PIEZO2: variants seen among roughly 807,000 people sequenced by gnomAD.
The protein encoded by PIEZO2 is piezo type mechanosensitive ion channel component 2.
Under a neutral mutation model 337.3 loss-of-function variants are expected in PIEZO2, and 172 were observed. That is an observed-to-expected ratio of 0.51 (90% CI 0.45 to 0.58). The LOEUF is 0.58. PIEZO2 is among the 20% of genes least tolerant of loss of function. The pLI is 0.00. For synonymous variants in PIEZO2, 1,251 were observed against 1,228.5 expected (o/e 1.02, Z -0.38); for missense variants, 3,028 against 3,391.3 (o/e 0.89, Z 2.66).
chr18:10,880,600 A>G (rs1363624217), intron 4 of PIEZO2, among the ~76,000 whole-genome samples: 1 of 152,054 alleles, frequency 6.6e-6, no homozygotes, highest in Non-Finnish European at 1.5e-5. Context: ...CTGAATTACA[A>G]CAACATGACT....
At chr18:10,890,484 C>T (rs2042723783) in intron 4 of PIEZO2, 1 of 152,230 alleles carries the variant, frequency 6.6e-6, no homozygotes, top group Admixed American at 6.5e-5. Flanking sequence ...ACTTACAGTT[C>T]AGCATGGCTG....
intron 31 of PIEZO2, 112 bp from the exon 32 acceptor site, chr18:10,742,727 T>C: frequency 8.8e-7 from 1 of 1,138,304 alleles, no homozygotes; most frequent in Non-Finnish European, 1.2e-6. Context: ...GACAAACTAC[T>C]TTGGAATACT....
chr18:10,820,883 G>T (rs1450401436), intron 7 of PIEZO2, among the ~76,000 whole-genome samples: 1 of 152,144 alleles, frequency 6.6e-6, no homozygotes, highest in African/African-American at 2.4e-5. Flanking sequence ...TAGAGTAGAA[G>T]AATTCTTCAC....
chr18:11,121,607 A>T lies in PIEZO2; in HGVS notation c.64+26918T>A, dbSNP rs1233374414. Among the ~76,000 whole-genome samples, 21 of 152,182 alleles carry T rather than the reference A, an allele frequency of 1.4e-4. 1 individual carries two copies. The highest frequency in any genetic ancestry group is 1.3e-3 in the Admixed American group (20 of 15,278). On this transcript the variant is annotated intron_variant, in intron 1 of 55. Coordinates refer to ENST00000674853, the MANE Select transcript of PIEZO2 (RefSeq NM_001378183.1). ...TGATGGAGCATGAGTTCATTCTCAC[A>T]TATCTGAGGAATTCGGCTTGCCCAG... is the stretch of plus-strand genomic sequence containing the variant.
At chr18:11,089,675 A>C (rs946378202) in intron 1 of PIEZO2, among the ~76,000 whole-genome samples, 1 of 152,190 alleles carries the variant, frequency 6.6e-6, no homozygotes, top group South Asian at 2.1e-4. Context: ...AGCTGGTAGC[A>C]CAAGATGTTG....
At chr18:10,905,993 A>G (rs578015039) in intron 4 of PIEZO2, among the ~76,000 whole-genome samples, 76 of 152,158 alleles carry the variant, frequency 5.0e-4, no homozygotes, top group Non-Finnish European at 1.0e-4. Flanking sequence ...GAGCAATAAT[A>G]TCTAAAACTT....
rs181490855 is a variant in PIEZO2, at chr18:11,024,000, G to A, written c.160+42127C>T. Among the ~76,000 whole-genome samples the A allele has an allele frequency of 6.2e-4, 94 of 152,282 alleles. No individual in the cohort carries two copies. In the East Asian group the frequency reaches 0.016, roughly 27 times the overall value. On this transcript the variant is annotated intron_variant, in intron 2 of 55. Transcript: ENST00000674853. ...TCCAGCTGGCCCGCAAGCCCCACGC[G>A]CAGCCCCAGTTCCCGCCTGCGCCTC...
At chr18:10,789,806 A>C (rs1322827182) in intron 14 of PIEZO2, among the ~76,000 whole-genome samples, 3 of 152,238 alleles carry the variant, frequency 2.0e-5, no homozygotes, top group Non-Finnish European at 4.4e-5. Context: ...CTTTTAAATA[A>C]CTAAAAATTT....
At chr18:10,825,890 T>C (rs1030466457) in intron 7 of PIEZO2, among the ~76,000 whole-genome samples, 3 of 152,172 alleles carry the variant, frequency 2.0e-5, no homozygotes, top group Non-Finnish European at 4.4e-5. Flanking sequence ...GAAGTCACAA[T>C]GCACAGCCCA....
In PIEZO2 at chr18:10,794,455, C is replaced by G. The variant is rs1254442014; in HGVS notation, c.1758+317G>C. On this transcript the variant is annotated intron_variant, in intron 13 of 55. Coordinates refer to ENST00000674853, the MANE Select transcript of PIEZO2 (RefSeq NM_001378183.1). This position sits in a 1 kb window ranked among gnomAD's most constrained non-coding sequence, Gnocchi z 6.6. ...TCCTATAATCCCTTAACACATTTTG[C>G]ACTGTATTTTCCTATTTTCACACCT... 6.6e-6 allele frequency among the ~76,000 whole-genome samples: 1 copy of G among 152,126 alleles called. No individual in the cohort carries two copies. The highest frequency in any genetic ancestry group is 1.5e-5 in the Non-Finnish European group (1 of 68,002).
intron 7 of PIEZO2, among the ~76,000 whole-genome samples, chr18:10,827,033 T>C (rs986886048): frequency 2.0e-5 from 3 of 152,178 alleles, no homozygotes; most frequent in South Asian, 2.1e-4. Context: ...CTCTGACCTA[T>C]GTTTATGTTC....
At chr18:10,934,491 GA>G (rs1467523467) in intron 3 of PIEZO2, among the ~76,000 whole-genome samples, 1 of 152,158 alleles carries the variant, frequency 6.6e-6, no homozygotes, top group African/African-American at 2.4e-5. Context: ...AAGTCAGGTA[GA>G]AAACCCATTT....
intron 7 of PIEZO2, among the ~76,000 whole-genome samples, chr18:10,817,733 CT>C (rs2040404473): frequency 6.6e-6 from 1 of 151,930 alleles, no homozygotes; most frequent in Non-Finnish European, 1.5e-5. Context: ...ACCATCCTGG[CT>C]AACACAGTGA....
chr18:11,082,309 AT>A (rs2038771020), intron 1 of PIEZO2, among the ~76,000 whole-genome samples: 1 of 145,800 alleles, frequency 6.9e-6, no homozygotes, highest in Middle Eastern at 3.6e-3. Flanking sequence ...ATAGATACAT[AT>A]TTTTTTCTTT....
At chr18:10,737,369 C>A (rs1341776722) in intron 33 of PIEZO2, among the ~76,000 whole-genome samples, 1 of 151,448 alleles carries the variant, frequency 6.6e-6, no homozygotes, top group Non-Finnish European at 1.5e-5. Context: ...AACACAACAA[C>A]AACAATGACA....
At chr18:11,040,154 G>T (rs2037067155) in intron 2 of PIEZO2, among the ~76,000 whole-genome samples, 1 of 150,056 alleles carries the variant, frequency 6.7e-6, no homozygotes, top group Admixed American at 6.6e-5. Flanking sequence ...ACCAAAATCA[G>T]AATTTTCAGT....
chr18:10,764,754 G>C (rs2038282556), intron 21 of PIEZO2, among the ~76,000 whole-genome samples: 1 of 152,148 alleles, frequency 6.6e-6, no homozygotes, highest in Non-Finnish European at 1.5e-5. Flanking sequence ...ATTAAAGTAG[G>C]AAGAGATGCC....
chr18:10,869,507 T>C (rs915352001), intron 5 of PIEZO2, among the ~76,000 whole-genome samples: 3 of 152,150 alleles, frequency 2.0e-5, no homozygotes, highest in African/African-American at 4.8e-5. Flanking sequence ...TTATAAATCA[T>C]AAAAATAACA....
At chr18:10,816,339 T>C (rs983339616) in intron 7 of PIEZO2, among the ~76,000 whole-genome samples, 1 of 152,212 alleles carries the variant, frequency 6.6e-6, no homozygotes, top group Non-Finnish European at 1.5e-5. Flanking sequence ...TTTCAGAGCC[T>C]AAATATTGTT....
Sources: gnomAD v4.1 joint callset for allele counts (sites outside exome capture counted in the v4.1 genomes callset) on GRCh38, gnomAD v4.1.1 for gene constraint, Gnocchi (gnomAD v3.1) non-coding constraint, MANE v1.5 for transcripts, NCBI Gene and HGNC (gene_info 2026-07-23, HGNC 2026-07-21) for gene names.